The following TOX4 variants were observed in gnomAD, a reference collection of about 807,000 sequenced individuals.
TOX4 encodes the protein TOX high mobility group box family member 4, also known as epidermal Langerhans cell protein LCP1.
A neutral mutation model predicts 61.0 loss-of-function variants in TOX4; 12 were observed. The ratio of observed to expected loss-of-function variants is 0.20; its 90% CI spans 0.13 to 0.32. The LOEUF (loss-of-function observed/expected upper bound fraction) is 0.32, where lower values mean the gene tolerates loss of function less well. TOX4 is among the 10% of genes least tolerant of loss of function. The pLI, the probability that TOX4 is intolerant of heterozygous loss-of-function variation, is 1.00. For synonymous variants in TOX4, 268 were observed against 274.8 expected, an observed-to-expected ratio of 0.98 and a Z score of 0.24; for missense variants, 499 against 753.3, an observed-to-expected ratio of 0.66 and a Z score of 3.95.
intron 7 of TOX4, among the ~76,000 whole-genome samples, chr14:21,493,755 GTT>G (rs967900593): frequency 3.3e-5 from 5 of 150,928 alleles, no homozygotes; most frequent in African/African-American, 1.2e-4. Context: ...GTTTTGTTTT[GTT>G]TTGTTTTTCT....
In TOX4 at chr14:21,498,989, C is replaced by A. The variant is rs1061027; in HGVS notation, c.*2383C>A. On this transcript the variant is annotated 3_prime_UTR_variant, in exon 9 of 9. Transcript: ENST00000448790. ...TTCTGTCCTTAATCATAAATAATAG[C>A]CCCTTGAGGACTAGCCTGTTCTCTG... 0.26 allele frequency: 361,182 copies of A among 1,367,966 alleles called. 51,607 individuals are homozygous for A. Among genetic ancestry groups the A allele is most frequent in the Middle Eastern group, 0.38 (2,132 of 5,624 alleles). 84.7% of individuals were successfully genotyped at this position (1,367,966 alleles called of 1,614,324 possible). A position where few individuals can be genotyped will look rare whatever the true frequency, so the allele number is the denominator to read the frequency against.
At position 21,477,510 on chromosome 14, in the gene TOX4, T is replaced by C. The variant is rs777050531; in HGVS notation, c.21T>C (p.Asn7=). The C allele has an allele frequency of 6.2e-7, 1 of 1,613,508 alleles. No homozygotes were observed. The highest frequency in any genetic ancestry group is 8.5e-7 in the Non-Finnish European group (1 of 1,180,020). Residue 7 remains asparagine (N), a synonymous_variant, in exon 2 of 9, where the codon AAT becomes AAC. Coordinates refer to ENST00000448790, the MANE Select transcript of TOX4 (RefSeq NM_014828.4). ...TTGGTTTCCAGTTTCCCGGAGGAAA[T>C]GACAATTACCTGACGATCACAGGGC... MEFPGG[N]DNYLTITGPS... is the part of the protein sequence containing the mutation.
chr14:21,492,617 C>A lies in TOX4; in HGVS notation c.1001C>A (p.Pro334His), dbSNP rs1891315181. ...PASPAPASIE[P>H]PALSPSIVVN... Reference sequence around the variant, plus strand: ...TCTCCAGCACCAGCTTCAATAGAGCCCCCTGCCCTGTCCCCATCCATTGTT... The same window carrying A: ...TCTCCAGCACCAGCTTCAATAGAGCACCCTGCCCTGTCCCCATCCATTGTT... The change falls in exon 7 of 9, where the codon CCC becomes CAC. Residue 334 changes from proline (P) to histidine (H), a missense_variant. Pro to His is a moderately conservative substitution (Grantham distance 77). Transcript: ENST00000448790. 6 of 1,613,728 alleles carry A rather than the reference C, an allele frequency of 3.7e-6. No individual in the cohort carries two copies. The highest frequency in any genetic ancestry group is 5.1e-6 in the Non-Finnish European group (6 of 1,180,032).
chr14:21,490,095 C>G (rs1566483342), intron 5 of TOX4, among the ~76,000 whole-genome samples: 1 of 151,738 alleles, frequency 6.6e-6, no homozygotes, highest in Admixed American at 6.6e-5. Context: ...TGCTTGAGTT[C>G]AGGATATAAA....
At chr14:21,483,583 G>A (rs1175075519) in intron 2 of TOX4, among the ~76,000 whole-genome samples, 2 of 151,982 alleles carry the variant, frequency 1.3e-5, no homozygotes, top group African/African-American at 2.4e-5. Flanking sequence ...AGGCCAAGGT[G>A]GGAAGATCAC....
chr14:21,488,474 G>A (rs969198209), intron 3 of TOX4, 116 bp from the exon 4 acceptor site: 1 of 978,472 alleles, frequency 1.0e-6, no homozygotes, highest in Non-Finnish European at 1.5e-6. Context: ...TTTATGTTTT[G>A]TATTTTAAAT....
chr14:21,495,063 G>T (rs1404819851), intron 7 of TOX4, among the ~76,000 whole-genome samples, 166 bp from the exon 8 acceptor site: 1 of 152,146 alleles, frequency 6.6e-6, no homozygotes, highest in Non-Finnish European at 1.5e-5. Flanking sequence ...TCTGAAGCTG[G>T]ACTATAGAGG....
chr14:21,483,903 G>A (rs1320974952), intron 2 of TOX4, among the ~76,000 whole-genome samples: 1 of 151,824 alleles, frequency 6.6e-6, no homozygotes, highest in Admixed American at 6.6e-5. Flanking sequence ...CAACTCCTGG[G>A]TTCAAGCGAT....
At position 21,496,596 on chromosome 14, in the gene TOX4, T is replaced by C; in HGVS notation, c.1856T>C (p.Phe619Ser). Residue 619 changes from phenylalanine (F) to serine (S), a missense_variant, in exon 9 of 9, where the codon TTT becomes TCT. Physicochemically the swap from Phe to Ser is radical, Grantham distance 155. Transcript: ENST00000448790. ...VASRNSNTVV[F>S]VK Reference sequence around the variant, plus strand: ...TCTAGAAATTCAAACACAGTGGTGTTTGTGAAATAGTCCTTCCTGTTCTCC... The same window carrying C: ...TCTAGAAATTCAAACACAGTGGTGTCTGTGAAATAGTCCTTCCTGTTCTCC... 6.2e-7 allele frequency: 1 copy of C among 1,612,034 alleles called. No individual in the cohort carries two copies. Among genetic ancestry groups the C allele is most frequent in the Non-Finnish European group, 8.5e-7 (1 of 1,179,374 alleles).
In TOX4 at chr14:21,498,958, A is replaced by T; in HGVS notation, c.*2352A>T. On this transcript the variant is annotated 3_prime_UTR_variant, in exon 9 of 9. Transcript: ENST00000448790. ...CTAGTGTAAAACAATGTGAAGCTCT[A>T]CTAAGTTCTGTCCTTAATCATAAAT... 1 of 1,087,038 alleles carries T rather than the reference A, an allele frequency of 9.2e-7. No homozygotes were observed. 67.3% of individuals were successfully genotyped at this position (1,087,038 alleles called of 1,614,324 possible). A position where few individuals can be genotyped will look rare whatever the true frequency, so the allele number is the denominator to read the frequency against.
chr14:21,484,329 C>CTTTTTTTTTTT (rs533570141), intron 2 of TOX4, among the ~76,000 whole-genome samples: 1 of 44,210 alleles, frequency 2.3e-5, no homozygotes, highest in African/African-American at 8.2e-5. Flanking sequence ...CTAGCAATGT[C>CTTTTTTTTTTT]TTTTTTTTTT....
Position 21,491,709 on chromosome 14 carries a change from G to A in TOX4, c.811-587G>A, listed in dbSNP as rs111409442. On this transcript the variant is annotated intron_variant, in intron 5 of 8. Coordinates refer to ENST00000448790, the MANE Select transcript of TOX4 (RefSeq NM_014828.4). ...CAGAAGTGAGCATGGGTTGATGTTT[G>A]CCTTAAATGTAGCTATTCTCGGCCA... is the stretch of plus-strand genomic sequence containing the variant. 8.3e-3 allele frequency among the ~76,000 whole-genome samples: 1,237 copies of A among 149,556 alleles called. 14 individuals carry two copies. Among genetic ancestry groups the A allele is most frequent in the African/African-American group, 0.026 (1,051 of 40,964 alleles).
At position 21,498,357 on chromosome 14, in the gene TOX4, T is replaced by C. The variant is rs1039526184; in HGVS notation, c.*1751T>C. On this transcript the variant is annotated 3_prime_UTR_variant, in exon 9 of 9. Coordinates refer to ENST00000448790, the MANE Select transcript of TOX4 (RefSeq NM_014828.4). ...GTAGGTGGATCCCATCCAGTTGGTT[T>C]CCAAGGGTGATCCTGAAACAGTGTA... 6.2e-7 allele frequency: 1 copy of C among 1,614,028 alleles called. No homozygotes were observed. Among genetic ancestry groups the C allele is most frequent in the Non-Finnish European group, 8.5e-7 (1 of 1,180,032 alleles).
rs200668884 is a variant in TOX4 at position 21,493,163 on chromosome 14, C to G, written c.1547C>G (p.Pro516Arg). ...GTCCCACCAACTGTGGAAAGTAGTCCTGAGCGGCCTATGAACAACAGCCCT... is the reference window on the plus strand; with the variant it reads ...GTCCCACCAACTGTGGAAAGTAGTCGTGAGCGGCCTATGAACAACAGCCCT... ...TLVPPTVESS[P>R]ERPMNNSPEA... The change falls in exon 7 of 9, where the codon CCT (proline) becomes CGT (arginine). Residue 516 changes from proline to arginine, a missense_variant. Physicochemically the swap from Pro to Arg is moderately radical, Grantham distance 103. Coordinates refer to ENST00000448790, the MANE Select transcript of TOX4 (RefSeq NM_014828.4). 22 of 1,614,076 alleles carry G rather than the reference C, an allele frequency of 1.4e-5. No homozygotes were observed. Among genetic ancestry groups the G allele is most frequent in the Non-Finnish European group, 1.8e-5 (21 of 1,180,044 alleles).
At chr14:21,489,448 T>C (rs1221436292) in intron 5 of TOX4, 45 bp downstream of exon 5, 1 of 1,533,564 alleles carries the variant, frequency 6.5e-7, no homozygotes, top group South Asian at 1.2e-5. Context: ...CCAGAAGTTT[T>C]TAAAGAGATA....
At chr14:21,485,693 C>T (rs1891181343) in intron 2 of TOX4, among the ~76,000 whole-genome samples, 1 of 102,404 alleles carries the variant, frequency 9.8e-6, no homozygotes, top group South Asian at 3.3e-4. Flanking sequence ...GGTGAAACCC[C>T]GTCTCTATTA....
rs1891226771 is a variant in TOX4 at position 21,488,431 on chromosome 14, G to C, written c.319-159G>C. On this transcript the variant is annotated intron_variant, in intron 3 of 8. Transcript: ENST00000448790. ...ATTAATTTCTGTACTTTTTTAAAAA[G>C]CTTATTTTTTTATTTTCATTTTTGA... 6 of 755,460 alleles carry C rather than the reference G, an allele frequency of 7.9e-6. No homozygotes were observed. In the South Asian group the frequency reaches 1.3e-4, roughly 16 times the overall value. The allele number at this position is 755,460 out of a possible 1,614,324, so 46.8% of individuals were successfully genotyped here.
At chr14:21,477,771 T>G (rs1243444150) in intron 2 of TOX4, among the ~76,000 whole-genome samples, 1 of 152,096 alleles carries the variant, frequency 6.6e-6, no homozygotes, top group Non-Finnish European at 1.5e-5. Flanking sequence ...AAGCAAGGTA[T>G]TGGAAAGAGA....
In TOX4 at chr14:21,492,764, A is replaced by G; in HGVS notation, c.1148A>G (p.Gln383Arg). The G allele has an allele frequency of 6.2e-7, 1 of 1,614,094 alleles. No individual in the cohort carries two copies. Among genetic ancestry groups the G allele is most frequent in the Non-Finnish European group, 8.5e-7 (1 of 1,180,026 alleles). ...QMLPSSITMS[Q>R]GGMVTVIPAT... ...TTGCCCTCTTCTATTACTATGTCTC[A>G]AGGAGGGATGGTTACTGTTATCCCA... Residue 383 changes from glutamine to arginine, a missense_variant, in exon 7 of 9, where the codon CAA becomes CGA. Transcript: ENST00000448790.
Sources: gnomAD v4.1 joint callset for allele counts (sites outside exome capture counted in the v4.1 genomes callset) on GRCh38, gnomAD v4.1.1 for gene constraint, MANE v1.5 for transcripts, NCBI Gene and HGNC (gene_info 2026-07-23, HGNC 2026-07-21) for gene names.